Variants in ZFP14 observed in about 807,000 individuals in gnomAD.
The protein encoded by ZFP14 is zinc finger protein 14 homolog.
A neutral mutation model predicts 54.5 loss-of-function variants in ZFP14; 22 were observed. That is an observed-to-expected ratio of 0.40 (90% CI 0.29 to 0.58). The LOEUF (loss-of-function observed/expected upper bound fraction) is 0.58, where lower values mean the gene tolerates loss of function less well. Ranked by LOEUF, ZFP14 falls within the 20% of genes least tolerant of loss-of-function variation. ZFP14 has a pLI of 0.39. For synonymous variants in ZFP14, 159 were observed against 204.0 expected (o/e 0.78, Z 1.88); for missense variants, 470 against 637.8 (o/e 0.74, Z 2.83).
At chr19:36,367,715 C>T (rs927163809) in intron 2 of ZFP14, among the ~76,000 whole-genome samples, 169 bp downstream of exon 2, 5 of 152,176 alleles carry the variant, frequency 3.3e-5, no homozygotes, top group African/African-American at 7.2e-5. Context: ...CCGCCTGCCT[C>T]GGCCTCCCAA....
At chr19:36,369,238 C>A (rs2031843642) in intron 1 of ZFP14, among the ~76,000 whole-genome samples, 1 of 152,148 alleles carries the variant, frequency 6.6e-6, no homozygotes, top group Admixed American at 6.6e-5. Context: ...GTGTTGGGTA[C>A]TTCATACACA....
rs1308523351 is a variant in ZFP14, at chr19:36,349,231, CA to C, written c.236-7642del. Among the ~76,000 whole-genome samples, 21 of 4,264 alleles carry C rather than the reference CA, an allele frequency of 4.9e-3. 1 individual carries two copies. Among genetic ancestry groups the C allele is most frequent in the African/African-American group, 0.015 (17 of 1,130 alleles). The allele number at this position is 4,264 out of a possible 152,430, so 2.8% of individuals were successfully genotyped here. On this transcript the variant is annotated intron_variant, in intron 4 of 4. Coordinates refer to ENST00000270001, the MANE Select transcript of ZFP14 (RefSeq NM_020917.3). ...GGGCTATAAGAGGGGAACTCTGTCT[CA>C]AAAAAAAAAACAAAAAAAAAAAAAC...
intron 4 of ZFP14, chr19:36,359,969 T>A (rs1293477907): frequency 6.6e-6 from 1 of 152,194 alleles, no homozygotes; most frequent in Non-Finnish European, 1.5e-5. Flanking sequence ...ATTATTCTTT[T>A]AACGGCTATA....
rs1220456538 is a variant in ZFP14 at position 36,360,425 on chromosome 19, C to T, written c.235+10G>A. On this transcript the variant is annotated intron_variant, in intron 4 of 4. Transcript: ENST00000270001. ...AGTGATTTCTCAATGCCTGCTCAGC[C>T]CTCACTCACCAGGGCAGTATCTTCT... 2 of 1,610,976 alleles carry T rather than the reference C, an allele frequency of 1.2e-6. No homozygotes were observed. Among genetic ancestry groups the T allele is most frequent in the South Asian group, 1.1e-5 (1 of 90,192 alleles).
chr19:36,340,606 C>G lies in ZFP14; in HGVS notation c.1220G>C (p.Ser407Thr), dbSNP rs770239720. Residue 407 changes from serine to threonine, a missense_variant, in exon 5 of 5, where the codon AGT becomes ACT. Physicochemically the swap from Ser to Thr is moderately conservative, Grantham distance 58. Coordinates refer to ENST00000270001, the MANE Select transcript of ZFP14 (RefSeq NM_020917.3). The surrounding 1 kb of genome is among the most constrained non-coding windows in gnomAD (Gnocchi z 5.4). ...ECMECWKTFS[S>T]YSQLISHQSI... ...CTGGTGTGAAATAAGCTGTGAGTAACTACTAAAGGTCTTCCAACATTCCAT... is the reference window on the plus strand; with the variant it reads ...CTGGTGTGAAATAAGCTGTGAGTAAGTACTAAAGGTCTTCCAACATTCCAT... 6.2e-7 allele frequency: 1 copy of G among 1,613,986 alleles called. No homozygotes were observed. The highest frequency in any genetic ancestry group is 1.3e-5 in the African/African-American group (1 of 75,024).
At chr19:36,366,133 T>C (rs2031790658) in intron 2 of ZFP14, among the ~76,000 whole-genome samples, 1 of 151,100 alleles carries the variant, frequency 6.6e-6, no homozygotes, top group Admixed American at 6.6e-5. Context: ...CTGGGAGTGG[T>C]GGTGGGCGCC....
chr19:36,363,067 C>T lies in ZFP14; in HGVS notation c.10-829G>A, dbSNP rs10409616. Among the ~76,000 whole-genome samples, 541 of 152,028 alleles carry T rather than the reference C, an allele frequency of 3.6e-3. 2 individuals carry two copies. The highest frequency in any genetic ancestry group is 0.012 in the African/African-American group (517 of 41,506). On this transcript the variant is annotated intron_variant, in intron 2 of 4. Coordinates refer to ENST00000270001, the MANE Select transcript of ZFP14 (RefSeq NM_020917.3). ...TTTATGGATGTGAATAATCTTCTTGCTTGTCACTATCTATCATCTCTTGAA... is the reference window on the plus strand; with the variant it reads ...TTTATGGATGTGAATAATCTTCTTGTTTGTCACTATCTATCATCTCTTGAA...
intron 1 of ZFP14, among the ~76,000 whole-genome samples, chr19:36,371,147 C>A (rs1397586912): frequency 6.6e-6 from 1 of 152,032 alleles, no homozygotes; most frequent in East Asian, 1.9e-4. Flanking sequence ...GCCTGTAGTC[C>A]AGCTACTCGG....
rs13346636 is a variant in ZFP14 at position 36,339,669 on chromosome 19, T to C, written c.*555A>G. 0.023 allele frequency: 3,503 copies of C among 152,392 alleles called. 92 individuals carry two copies. Among genetic ancestry groups the C allele is most frequent in the African/African-American group, 0.078 (3,231 of 41,536 alleles). 9.4% of individuals were successfully genotyped at this position (152,392 alleles called of 1,614,324 possible). A position where few individuals can be genotyped will look rare whatever the true frequency, so the allele number is the denominator to read the frequency against. ...ATGCAACAGGCCTCACGGAAATACA[T>C]TGGGTAACAACTATGTTAGTCTGGA... On this transcript the variant is annotated 3_prime_UTR_variant, in exon 5 of 5. Coordinates refer to ENST00000270001, the MANE Select transcript of ZFP14 (RefSeq NM_020917.3).
In ZFP14 at chr19:36,339,077, T is replaced by C. The variant is rs1405158318; in HGVS notation, c.*1147A>G. On this transcript the variant is annotated 3_prime_UTR_variant, in exon 5 of 5. Transcript: ENST00000270001. ...AAATTCATTTTTGGCATGAAATTTCTAATGCAGCTCAAGTGCTGAAGAACT... is the reference window on the plus strand; with the variant it reads ...AAATTCATTTTTGGCATGAAATTTCCAATGCAGCTCAAGTGCTGAAGAACT... 1 of 152,234 alleles carries C rather than the reference T, an allele frequency of 6.6e-6. No homozygotes were observed. The highest frequency in any genetic ancestry group is 1.5e-5 in the Non-Finnish European group (1 of 68,046). 9.4% of individuals were successfully genotyped at this position (152,234 alleles called of 1,614,324 possible). A position where few individuals can be genotyped will look rare whatever the true frequency, so the allele number is the denominator to read the frequency against.
intron 4 of ZFP14, among the ~76,000 whole-genome samples, chr19:36,355,289 T>G (rs1382101280): frequency 7.0e-6 from 1 of 143,188 alleles, no homozygotes; most frequent in African/African-American, 2.6e-5. Flanking sequence ...GAGCCCTAAC[T>G]AACTGTATGT....
chr19:36,350,290 C>T (rs1292107936), intron 4 of ZFP14, among the ~76,000 whole-genome samples: 2 of 142,414 alleles, frequency 1.4e-5, no homozygotes, highest in Non-Finnish European at 3.1e-5. Flanking sequence ...TGACAAAAGA[C>T]ATCAAACCCA....
Position 36,355,682 on chromosome 19 carries a change from C to CA in ZFP14, c.235+4752dup, listed in dbSNP as rs1198663486. On this transcript the variant is annotated intron_variant, in intron 4 of 4. Transcript: ENST00000270001. ...TGGGCAACACAGTGAAGCCCTGTCT[C>CA]AAAAAAAAAAAGAAGAAAAAAAAAG... Among the ~76,000 whole-genome samples the CA allele has an allele frequency of 3.9e-4, 45 of 115,686 alleles. 3 individuals are homozygous for CA. The highest frequency in any genetic ancestry group is 4.4e-4 in the African/African-American group (14 of 31,464). The allele number at this position is 115,686 out of a possible 152,430, so 75.9% of individuals were successfully genotyped here. A position where few individuals can be genotyped will look rare whatever the true frequency, so the allele number is the denominator to read the frequency against.
At chr19:36,344,251 C>T (rs8113338) in intron 4 of ZFP14, among the ~76,000 whole-genome samples, 8,260 of 152,168 alleles carry the variant, frequency 0.054, 256 homozygotes, top group Non-Finnish European at 0.066. Context: ...ATGATCTGCC[C>T]GCCTCGGCCT....
chr19:36,346,642 G>T (rs1452551947), intron 4 of ZFP14, among the ~76,000 whole-genome samples: 4 of 152,112 alleles, frequency 2.6e-5, no homozygotes, highest in African/African-American at 9.7e-5. Context: ...ATTTTTAGTG[G>T]AAACGGGGTT....
rs917234278 is a variant in ZFP14, at chr19:36,355,924, T to G, written c.235+4511A>C. 4.9e-5 allele frequency among the ~76,000 whole-genome samples: 7 copies of G among 142,248 alleles called. 2 individuals are homozygous for G. In the Admixed American group the frequency reaches 5.1e-4, roughly 10 times the overall value. 93.3% of individuals were successfully genotyped at this position (142,248 alleles called of 152,430 possible). On this transcript the variant is annotated intron_variant, in intron 4 of 4. Coordinates refer to ENST00000270001, the MANE Select transcript of ZFP14 (RefSeq NM_020917.3). Reference sequence around the variant, plus strand: ...AAGATGATACAGATTTAAATAGAGATGAAACTGTAGTCACCGATCAAAAAA... The same window carrying G: ...AAGATGATACAGATTTAAATAGAGAGGAAACTGTAGTCACCGATCAAAAAA...
intron 1 of ZFP14, among the ~76,000 whole-genome samples, chr19:36,372,064 GAAGA>G (rs1459552034): frequency 1.4e-5 from 2 of 147,296 alleles, no homozygotes; most frequent in African/African-American, 5.0e-5. Context: ...GAAAGAAAAA[GAAGA>G]AAGGAAGGGA....
At position 36,340,555 on chromosome 19, in the gene ZFP14, T is replaced by C; in HGVS notation, c.1271A>G (p.Tyr424Cys). ...HQSIHIGERPYECEECGKAFR... is the reference protein window; with the variant it reads ...HQSIHIGERPCECEECGKAFR... ...GGCCTTTCCACACTCTTCACATTCA[T>C]AGGGTCTCTCACCAATATGAATGCT... Residue 424 changes from tyrosine (Y) to cysteine (C), a missense_variant, in exon 5 of 5, where the codon TAT (tyrosine) becomes TGT (cysteine). Physicochemically the swap from Tyr to Cys is radical, Grantham distance 194. Coordinates refer to ENST00000270001, the MANE Select transcript of ZFP14 (RefSeq NM_020917.3). The surrounding 1 kb of genome is among the most constrained non-coding windows in gnomAD (Gnocchi z 5.4). 1 of 1,614,156 alleles carries C rather than the reference T, an allele frequency of 6.2e-7. No homozygotes were observed. The highest frequency in any genetic ancestry group is 8.5e-7 in the Non-Finnish European group (1 of 1,180,018).
At chr19:36,344,351 CAT>C (rs1157058722) in intron 4 of ZFP14, among the ~76,000 whole-genome samples, 3 of 152,092 alleles carry the variant, frequency 2.0e-5, no homozygotes, top group Non-Finnish European at 4.4e-5. Context: ...ATTTTTGAAT[CAT>C]ATGTTTATTA....
Sources: allele counts gnomAD v4.1 joint callset (sites outside exome capture counted in the v4.1 genomes callset), GRCh38; gene constraint gnomAD v4.1.1; non-coding constraint Gnocchi (gnomAD v3.1); transcripts MANE v1.5; gene names NCBI Gene and HGNC (gene_info 2026-07-23, HGNC 2026-07-21).